The following GALNT13 variants were observed in gnomAD, a reference collection of about 807,000 sequenced individuals.
GALNT13 encodes the protein UDP-GalNAc:polypeptide N-acetylgalactosaminyltransferase 13.
GALNT13 carries 28 observed loss-of-function variants against 64.2 expected under a neutral mutation model. The ratio of observed to expected loss-of-function variants is 0.44; its 90% CI spans 0.32 to 0.60. The LOEUF (loss-of-function observed/expected upper bound fraction) is 0.60. Among genes scored for constraint, GALNT13 ranks in the 20% least tolerant of loss-of-function variants. GALNT13 has a pLI of 0.05. For missense variants in GALNT13, 577 were observed against 669.8 expected (o/e 0.86, Z 1.53); for synonymous variants, 214 against 224.6 (o/e 0.95, Z 0.42).
At chr2:154,374,722 T>A (rs1472553523) in intron 9 of GALNT13, among the ~76,000 whole-genome samples, 2 of 152,206 alleles carry the variant, frequency 1.3e-5, no homozygotes, top group Non-Finnish European at 2.9e-5. Flanking sequence ...GTGGCTTCCC[T>A]GATGAAGTGT....
At chr2:153,360,747 G>A in the GALNT13 span, among the ~76,000 whole-genome samples, 1 of 152,172 alleles carries the variant, frequency 6.6e-6, no homozygotes, top group Non-Finnish European at 1.5e-5. Flanking sequence ...AGGGGGAGGG[G>A]TGGCCATAAG....
chr2:154,422,562 T>C (rs1053697242), intron 11 of GALNT13, among the ~76,000 whole-genome samples: 6 of 152,228 alleles, frequency 3.9e-5, no homozygotes, highest in Non-Finnish European at 7.3e-5. Flanking sequence ...ACCTACCAGA[T>C]AGACATACTT....
the GALNT13 span, among the ~76,000 whole-genome samples, chr2:153,193,253 G>A: frequency 1.3e-5 from 2 of 151,638 alleles, no homozygotes; most frequent in South Asian, 2.1e-4. Flanking sequence ...TATACACCAT[G>A]GAATACTATG....
the GALNT13 span, among the ~76,000 whole-genome samples, chr2:153,368,860 G>A: frequency 6.6e-6 from 1 of 151,652 alleles, no homozygotes; most frequent in African/African-American, 2.4e-5. Context: ...ACCCAGAAAA[G>A]CAGCACATAC....
chr2:154,042,695 CATATATATATATATAT>C (rs70981696), intron 3 of GALNT13, among the ~76,000 whole-genome samples: 2 of 107,928 alleles, frequency 1.9e-5, no homozygotes, highest in African/African-American at 2.9e-5. Flanking sequence ...TATCATTATG[CATATATATATATATAT>C]ATATATATAT....
chr2:153,873,396 C>T (rs1008159669), intron 1 of GALNT13, among the ~76,000 whole-genome samples: 3 of 152,228 alleles, frequency 2.0e-5, no homozygotes, highest in Non-Finnish European at 4.4e-5. Flanking sequence ...AAGCCCCTCC[C>T]GCATACCCGA....
the GALNT13 span, among the ~76,000 whole-genome samples, chr2:153,619,081 T>C: frequency 1.3e-5 from 2 of 152,070 alleles, no homozygotes; most frequent in African/African-American, 4.8e-5. Flanking sequence ...CTGGTTGTTT[T>C]GTGGACTGCT....
the GALNT13 span, among the ~76,000 whole-genome samples, chr2:153,435,033 C>G: frequency 6.6e-6 from 1 of 152,194 alleles, no homozygotes; most frequent in African/African-American, 2.4e-5. Flanking sequence ...GATCCAGTTT[C>G]AGCTTTCTAC....
intron 4 of GALNT13, among the ~76,000 whole-genome samples, chr2:154,145,086 ATCTATCTATC>A (rs1382531897): frequency 5.0e-5 from 6 of 119,222 alleles, no homozygotes; most frequent in African/African-American, 1.7e-4. Flanking sequence ...CTATCTATCT[ATCTATCTATC>A]TATCTATATA....
intron 1 of GALNT13, among the ~76,000 whole-genome samples, chr2:153,896,408 T>G (rs1043203830): frequency 5.3e-5 from 8 of 151,326 alleles, no homozygotes; most frequent in African/African-American, 1.7e-4. Flanking sequence ...AAATATATCT[T>G]TCATTTAATC....
chr2:153,730,068 T>C, the GALNT13 span, among the ~76,000 whole-genome samples: 4 of 151,916 alleles, frequency 2.6e-5, no homozygotes, highest in African/African-American at 9.7e-5. Flanking sequence ...ATGTCATTTT[T>C]CCCATGATTA....
intron 9 of GALNT13, among the ~76,000 whole-genome samples, chr2:154,373,325 A>G (rs890812687): frequency 6.6e-6 from 1 of 152,172 alleles, no homozygotes. Flanking sequence ...TGTATTACAT[A>G]TATGTACTTG....
At chr2:153,615,766 C>A in the GALNT13 span, among the ~76,000 whole-genome samples, 2 of 151,846 alleles carry the variant, frequency 1.3e-5, no homozygotes, top group Non-Finnish European at 2.9e-5. Flanking sequence ...ATCTTTTGTC[C>A]ATTTTAAAAA....
chr2:153,586,966 T>C, the GALNT13 span, among the ~76,000 whole-genome samples: 8 of 151,830 alleles, frequency 5.3e-5, no homozygotes, highest in Admixed American at 1.3e-4. Context: ...GCACAGTGGC[T>C]CAAGCCTGTA....
chr2:154,375,282 C>G (rs1032242971), intron 9 of GALNT13, among the ~76,000 whole-genome samples: 2 of 152,058 alleles, frequency 1.3e-5, no homozygotes, highest in African/African-American at 4.8e-5. Context: ...GCCACCGCAT[C>G]CAGCCAGAAA....
intron 1 of GALNT13, among the ~76,000 whole-genome samples, chr2:153,883,237 G>A (rs1032246310): frequency 4.0e-5 from 6 of 151,554 alleles, no homozygotes; most frequent in African/African-American, 1.4e-4. Flanking sequence ...ATTTTAAATG[G>A]AGAAAAATCT....
the GALNT13 span, chr2:153,354,216 T>C: frequency 2.0e-5 from 3 of 152,224 alleles, no homozygotes; most frequent in South Asian, 2.1e-4. Context: ...CTGTATCTTA[T>C]GGTTTCAGAA....
chr2:154,424,317 C>T (rs547631809), intron 11 of GALNT13, among the ~76,000 whole-genome samples: 4 of 152,232 alleles, frequency 2.6e-5, no homozygotes, highest in Admixed American at 1.3e-4. Context: ...CACTTGCAAA[C>T]GGAGTGACTT....
In GALNT13 at chr2:154,362,309, T is replaced by C. The variant is rs1197643469; in HGVS notation, c.1157-33682T>C. Among the ~76,000 whole-genome samples the C allele has an allele frequency of 3.5e-5, 5 of 143,722 alleles. No homozygotes were observed. The Admixed American group carries it at 3.7e-4, about 11-fold the overall frequency. 94.3% of individuals were successfully genotyped at this position (143,722 alleles called of 152,430 possible). On this transcript the variant is annotated intron_variant, in intron 9 of 12. Coordinates refer to ENST00000392825, the MANE Select transcript of GALNT13 (RefSeq NM_052917.4). ...TTCTCGCTTCTTGAGTCTGGACTAGTCTTATTACTTGCTTTTCTGACATAC... is the reference window on the plus strand; with the variant it reads ...TTCTCGCTTCTTGAGTCTGGACTAGCCTTATTACTTGCTTTTCTGACATAC...
Sources: gnomAD v4.1 joint callset for allele counts (sites outside exome capture counted in the v4.1 genomes callset) on GRCh38, gnomAD v4.1.1 for gene constraint, MANE v1.5 for transcripts, NCBI Gene and HGNC (gene_info 2026-07-23, HGNC 2026-07-21) for gene names.